Variants in CDH13 observed in about 807,000 individuals in gnomAD.
The protein encoded by CDH13 is cadherin 13, also known as cadherin-13.
In CDH13, 24 loss-of-function variants were observed where a neutral mutation model predicts 63.8. That is an observed-to-expected ratio of 0.38 (90% confidence interval 0.27 to 0.53). CDH13 has a LOEUF of 0.53. Ranked by LOEUF, CDH13 falls within the 20% of genes least tolerant of loss-of-function variation. The pLI, the probability that CDH13 is intolerant of heterozygous loss-of-function variation, is 0.85. For missense variants in CDH13, 1,049 were observed against 903.1 expected, an observed-to-expected ratio of 1.16 and a Z score of -2.07; for synonymous variants, 503 against 355.3, an observed-to-expected ratio of 1.42 and a Z score of -4.67.
chr16:83,342,944 C>G (rs1250277074), intron 5 of CDH13, among the ~76,000 whole-genome samples: 5 of 135,974 alleles, frequency 3.7e-5, no homozygotes, highest in Non-Finnish European at 7.6e-5. Context: ...AAAATTGCCT[C>G]AGAGCTTTAT....
chr16:83,008,198 G>A (rs933286680), intron 2 of CDH13, among the ~76,000 whole-genome samples: 7 of 152,186 alleles, frequency 4.6e-5, no homozygotes, highest in African/African-American at 1.7e-4. Context: ...CATACTATGG[G>A]ATACGTTTTA....
At chr16:82,655,034 C>A (rs1911142700) in intron 1 of CDH13, among the ~76,000 whole-genome samples, 1 of 152,176 alleles carries the variant, frequency 6.6e-6, no homozygotes, top group African/African-American at 2.4e-5. Context: ...AGGTAAGCTT[C>A]CAGAACTGGA....
In CDH13 at chr16:83,294,545, A is replaced by G. The variant is rs138150401; in HGVS notation, c.637-50317A>G. ...AACATAATGTCCTCCAGGTTCATCC[A>G]TGTTGTCACTAATGATAAGATTTCC... On this transcript the variant is annotated intron_variant, in intron 5 of 13. Transcript: ENST00000567109. Among the ~76,000 whole-genome samples the G allele has an allele frequency of 3.9e-3, 597 of 152,118 alleles. 5 individuals are homozygous for G. The highest frequency in any genetic ancestry group is 0.011 in the African/African-American group (436 of 41,476).
At chr16:83,443,705 GAAAAAAAA>G (rs1167862979) in intron 6 of CDH13, among the ~76,000 whole-genome samples, 6 of 107,114 alleles carry the variant, frequency 5.6e-5, no homozygotes, top group African/African-American at 2.5e-4. Flanking sequence ...AAGTCCCTAC[GAAAAAAAA>G]AAAAAAAAAA....
intron 6 of CDH13, among the ~76,000 whole-genome samples, chr16:83,355,841 C>G (rs1416565460): frequency 6.6e-6 from 1 of 152,188 alleles, no homozygotes. Flanking sequence ...GAGATGATGC[C>G]TGTCCCAGGG....
intron 2 of CDH13, among the ~76,000 whole-genome samples, chr16:82,975,190 C>T (rs1459608786): frequency 1.3e-5 from 2 of 152,210 alleles, no homozygotes; most frequent in African/African-American, 2.4e-5. Flanking sequence ...CCTTGGGGCC[C>T]TGGCTGCTGT....
chr16:83,572,378 T>C (rs1178468510), intron 7 of CDH13, among the ~76,000 whole-genome samples: 1 of 152,044 alleles, frequency 6.6e-6, no homozygotes, highest in Non-Finnish European at 1.5e-5. Context: ...TGACCTCAGG[T>C]GATCTACCCA....
intron 4 of CDH13, among the ~76,000 whole-genome samples, chr16:83,163,629 G>A (rs1454083744): frequency 6.6e-6 from 1 of 152,058 alleles, no homozygotes; most frequent in African/African-American, 2.4e-5. Context: ...ACTAGTGCTA[G>A]CCAAAGTGTG....
intron 1 of CDH13, among the ~76,000 whole-genome samples, chr16:82,704,857 G>A (rs1017893670): frequency 2.0e-5 from 3 of 152,206 alleles, no homozygotes; most frequent in African/African-American, 7.2e-5. Context: ...GATAATGCAT[G>A]AACCATGCTT....
In CDH13 at chr16:82,948,689, C is replaced by T. The variant is rs148584282; in HGVS notation, c.158-83321C>T. Among the ~76,000 whole-genome samples the T allele has an allele frequency of 7.8e-3, 1,195 of 152,298 alleles. 20 individuals carry two copies. The highest frequency in any genetic ancestry group is 0.027 in the African/African-American group (1,120 of 41,566). ...CTACTAGTCACTTTCAAAATGTTGT[C>T]TAGAATGCCTTGTTTTTAAATTTTC... On this transcript the variant is annotated intron_variant, in intron 2 of 13. Transcript: ENST00000567109.
intron 3 of CDH13, among the ~76,000 whole-genome samples, chr16:83,088,875 G>A (rs1038698259): frequency 6.6e-6 from 1 of 152,132 alleles, no homozygotes; most frequent in African/African-American, 2.4e-5. Flanking sequence ...AACAACCACA[G>A]GCTAGATATA....
chr16:83,272,528 AT>A (rs1488923861), intron 5 of CDH13, among the ~76,000 whole-genome samples: 2 of 152,198 alleles, frequency 1.3e-5, no homozygotes, highest in African/African-American at 4.8e-5. Flanking sequence ...CCATTTATGG[AT>A]GTCCTTATAG....
chr16:83,252,982 A>C (rs1051091417), intron 5 of CDH13, among the ~76,000 whole-genome samples: 4 of 152,118 alleles, frequency 2.6e-5, no homozygotes, highest in Non-Finnish European at 5.9e-5. Context: ...GTGTCTCATC[A>C]TTATACCTAT....
In CDH13 at chr16:82,644,734, C is replaced by T. The variant is rs1024649347; in HGVS notation, c.45+17597C>T. Among the ~76,000 whole-genome samples, 4 of 152,112 alleles carry T rather than the reference C, an allele frequency of 2.6e-5. No individual in the cohort carries two copies. Among genetic ancestry groups the T allele is most frequent in the Admixed American group, 1.3e-4 (2 of 15,282 alleles). On this transcript the variant is annotated intron_variant, in intron 1 of 13. Coordinates refer to ENST00000567109, the MANE Select transcript of CDH13 (RefSeq NM_001257.5). The surrounding 1 kb of genome is among the most constrained non-coding windows in gnomAD (Gnocchi z 5.7). ...AGCCAGCTCCCAGGTGACAGGAGTCCGCTGGGCTCCCTCTGATTCTTAAAG... is the reference window on the plus strand; with the variant it reads ...AGCCAGCTCCCAGGTGACAGGAGTCTGCTGGGCTCCCTCTGATTCTTAAAG...
chr16:83,762,305 A>G (rs1486261381), intron 11 of CDH13, among the ~76,000 whole-genome samples: 1 of 152,164 alleles, frequency 6.6e-6, no homozygotes, highest in African/African-American at 2.4e-5. Context: ...AAAGGTCAAA[A>G]TAGTGCCTTC....
chr16:83,718,996 A>C (rs1473481038), intron 10 of CDH13, among the ~76,000 whole-genome samples: 1 of 152,204 alleles, frequency 6.6e-6, no homozygotes, highest in Non-Finnish European at 1.5e-5. Context: ...TTCTCTGGCA[A>C]AGGAATGCAG....
intron 7 of CDH13, among the ~76,000 whole-genome samples, chr16:83,535,318 A>G (rs7197986): frequency 0.75 from 114,905 of 152,210 alleles, 43,652 homozygotes; most frequent in Non-Finnish European, 0.81. Flanking sequence ...ACAAAGAGAT[A>G]CCACTAAAGA....
intron 4 of CDH13, among the ~76,000 whole-genome samples, chr16:83,138,554 C>T (rs375832808): frequency 6.6e-6 from 1 of 152,110 alleles, no homozygotes; most frequent in Admixed American, 6.5e-5. Context: ...GAGAATAATT[C>T]AAAGTGGCTG....
intron 8 of CDH13, among the ~76,000 whole-genome samples, chr16:83,662,307 A>G (rs1913509746): frequency 6.6e-6 from 1 of 152,220 alleles, no homozygotes; most frequent in Admixed American, 6.5e-5. Flanking sequence ...GTCCATTACC[A>G]TAGCTAGTAG....
Sources: allele counts gnomAD v4.1 joint callset (sites outside exome capture counted in the v4.1 genomes callset), GRCh38; gene constraint gnomAD v4.1.1; non-coding constraint Gnocchi (gnomAD v3.1); transcripts MANE v1.5; gene names NCBI Gene and HGNC (gene_info 2026-07-23, HGNC 2026-07-21).